SLC22A15: variants seen among roughly 807,000 people sequenced by gnomAD.
SLC22A15 encodes solute carrier family 22 member 15.
Under a neutral mutation model 62.7 loss-of-function variants are expected in SLC22A15, and 45 were observed. The observed-to-expected ratio is 0.72, with a 90% confidence interval of 0.56 to 0.92. The LOEUF is 0.92. SLC22A15 is among the 40% of genes least tolerant of loss of function. The pLI is 0.00. For missense variants in SLC22A15, 622 were observed against 665.6 expected, an observed-to-expected ratio of 0.93 and a Z score of 0.72; for synonymous variants, 264 against 267.0, an observed-to-expected ratio of 0.99 and a Z score of 0.11.
chr1:116,001,329 G>A (rs1655719438), intron 2 of SLC22A15, among the ~76,000 whole-genome samples: 2 of 151,948 alleles, frequency 1.3e-5, no homozygotes, highest in African/African-American at 4.8e-5. Context: ...AGTTAAATGT[G>A]CTTGGTGTTC....
At chr1:116,033,796 C>A (rs1398161453) in intron 6 of SLC22A15, among the ~76,000 whole-genome samples, 1 of 152,162 alleles carries the variant, frequency 6.6e-6, no homozygotes, top group East Asian at 1.9e-4. Flanking sequence ...TGCAGTGTCA[C>A]CTTGCATCCT....
chr1:116,020,882 G>A lies in SLC22A15; in HGVS notation c.595G>A (p.Ala199Thr). ...ECVGTAYWAL[A>T]GSIGGLFFAV... Reference sequence around the variant, plus strand: ...TGTGGGCACCGCCTACTGGGCACTTGCAGGTACTACTTAAATCATGCAGCT... The same window carrying A: ...TGTGGGCACCGCCTACTGGGCACTTACAGGTACTACTTAAATCATGCAGCT... Residue 199 changes from alanine (A) to threonine (T), a missense_variant, in exon 4 of 12, where the codon GCA becomes ACA. Physicochemically the swap from Ala to Thr is moderately conservative, Grantham distance 58. Transcript: ENST00000369503. The A allele has an allele frequency of 6.2e-7, 1 of 1,610,472 alleles. No homozygotes were observed. Among genetic ancestry groups the A allele is most frequent in the African/African-American group, 1.3e-5 (1 of 74,942 alleles).
At chr1:116,025,250 A>G (rs1318618578) in intron 4 of SLC22A15, among the ~76,000 whole-genome samples, 1 of 152,138 alleles carries the variant, frequency 6.6e-6, no homozygotes, top group Non-Finnish European at 1.5e-5. Flanking sequence ...GTCAAGGGAT[A>G]CTGAGTGCTC....
At position 116,057,672 on chromosome 1, in the gene SLC22A15, G is replaced by A. The variant is rs572043545; in HGVS notation, c.1172-5090G>A. Among the ~76,000 whole-genome samples the A allele has an allele frequency of 3.3e-5, 5 of 152,254 alleles. No homozygotes were observed. In the South Asian group the frequency reaches 8.3e-4, roughly 25 times the overall value. On this transcript the variant is annotated intron_variant, in intron 8 of 11. Coordinates refer to ENST00000369503, the MANE Select transcript of SLC22A15 (RefSeq NM_018420.3). The stretch of plus-strand genomic sequence containing the variant: ...GGAACCAACCCAAATATCCAACAAC[G>A]ATAGAGTGGATTAAGAAAATGTGGC...
intron 8 of SLC22A15, among the ~76,000 whole-genome samples, chr1:116,049,133 C>T (rs968764692): frequency 2.0e-5 from 3 of 152,102 alleles, no homozygotes; most frequent in Non-Finnish European, 4.4e-5. Flanking sequence ...ATGAGATAGA[C>T]AGCAACATAA....
At chr1:116,044,829 C>A (rs1282061108) in intron 8 of SLC22A15, among the ~76,000 whole-genome samples, 2 of 151,774 alleles carry the variant, frequency 1.3e-5, no homozygotes. Flanking sequence ...TATATGACTA[C>A]AAAAAACTTT....
intron 2 of SLC22A15, among the ~76,000 whole-genome samples, chr1:116,012,483 C>G (rs1422410316): frequency 6.6e-6 from 1 of 152,160 alleles, no homozygotes; most frequent in Non-Finnish European, 1.5e-5. Context: ...ATAATAATAA[C>G]AGCACAGGGC....
intron 1 of SLC22A15, among the ~76,000 whole-genome samples, chr1:115,980,693 C>T (rs1654569178): frequency 6.6e-6 from 1 of 151,918 alleles, no homozygotes; most frequent in Non-Finnish European, 1.5e-5. Context: ...GAAAGATCCA[C>T]ACCCAATTCA....
At chr1:115,987,503 G>A (rs186047462) in intron 1 of SLC22A15, among the ~76,000 whole-genome samples, 1 of 152,170 alleles carries the variant, frequency 6.6e-6, no homozygotes, top group East Asian at 1.9e-4. Flanking sequence ...AGAGGCACCA[G>A]TTACTCCGGG....
intron 2 of SLC22A15, among the ~76,000 whole-genome samples, chr1:116,003,350 T>C (rs966051059): frequency 2.0e-5 from 3 of 152,150 alleles, no homozygotes; most frequent in African/African-American, 7.2e-5. Flanking sequence ...TCCCACTGGA[T>C]CATGTGCATC....
chr1:115,982,615 C>T (rs1322058528), intron 1 of SLC22A15, among the ~76,000 whole-genome samples: 2 of 152,164 alleles, frequency 1.3e-5, no homozygotes, highest in Non-Finnish European at 1.5e-5. Flanking sequence ...CACAAACCCA[C>T]GCAGCCCATG....
At chr1:116,012,806 G>A (rs1458420501) in intron 2 of SLC22A15, among the ~76,000 whole-genome samples, 2 of 152,170 alleles carry the variant, frequency 1.3e-5, no homozygotes, top group Admixed American at 1.3e-4. Flanking sequence ...GTATTCAGTG[G>A]AAACTGTACT....
At chr1:116,053,295 AG>A (rs1268085664) in intron 8 of SLC22A15, among the ~76,000 whole-genome samples, 1 of 152,246 alleles carries the variant, frequency 6.6e-6, no homozygotes, top group African/African-American at 2.4e-5. Flanking sequence ...ACTGGAAGAA[AG>A]GGTATCAGTG....
At chr1:116,033,030 C>G (rs946156216) in intron 6 of SLC22A15, among the ~76,000 whole-genome samples, 3 of 152,208 alleles carry the variant, frequency 2.0e-5, no homozygotes, top group African/African-American at 7.2e-5. Context: ...ATTTCTTACA[C>G]AGCCAAATAA....
intron 6 of SLC22A15, among the ~76,000 whole-genome samples, chr1:116,033,555 C>G (rs190042236): frequency 3.2e-5 from 3 of 95,180 alleles, no homozygotes; most frequent in South Asian, 4.3e-4. Flanking sequence ...ATAGGGGTGT[C>G]TCTGTGTGTG....
At chr1:116,000,516 A>C (rs75395631) in intron 2 of SLC22A15, among the ~76,000 whole-genome samples, 2,738 of 151,632 alleles carry the variant, frequency 0.018, 36 homozygotes, top group Middle Eastern at 0.065. Context: ...CCTATTCAAG[A>C]TATGCATAGT....
Position 116,039,293 on chromosome 1 carries a change from G to A in SLC22A15, c.1171+1905G>A, listed in dbSNP as rs535393555. Among the ~76,000 whole-genome samples the A allele has an allele frequency of 6.6e-5, 10 of 152,288 alleles. No homozygotes were observed. In the East Asian group the frequency reaches 1.9e-3, roughly 29 times the overall value. ...TCACACCTGTAATCCCAGCACTTTG[G>A]AGGCTGAGGTGGGTGGATCACCTAA... On this transcript the variant is annotated intron_variant, in intron 8 of 11. Coordinates refer to ENST00000369503, the MANE Select transcript of SLC22A15 (RefSeq NM_018420.3).
chr1:116,054,859 G>T (rs1368057053), intron 8 of SLC22A15, among the ~76,000 whole-genome samples: 2 of 151,780 alleles, frequency 1.3e-5, no homozygotes, highest in South Asian at 2.1e-4. Flanking sequence ...AAACCAACGA[G>T]AACAAAGACA....
chr1:116,054,168 T>C (rs1280726780), intron 8 of SLC22A15, among the ~76,000 whole-genome samples: 1 of 152,116 alleles, frequency 6.6e-6, no homozygotes, highest in Non-Finnish European at 1.5e-5. Flanking sequence ...CCATCTCACA[T>C]GCAGAGACAC....
Sources: gnomAD v4.1 joint callset for allele counts (sites outside exome capture counted in the v4.1 genomes callset) on GRCh38, gnomAD v4.1.1 for gene constraint, MANE v1.5 for transcripts, NCBI Gene and HGNC (gene_info 2026-07-23, HGNC 2026-07-21) for gene names.